The following LDLRAD3 variants were observed in gnomAD, a reference collection of about 807,000 sequenced individuals.
The protein encoded by LDLRAD3 is low density lipoprotein receptor class A domain containing 3, also known as low-density lipoprotein receptor class A domain-containing protein 3.
Under a neutral mutation model 29.4 loss-of-function variants are expected in LDLRAD3, and 20 were observed. The observed-to-expected ratio is 0.68, with a 90% CI of 0.48 to 0.99. The LOEUF (loss-of-function observed/expected upper bound fraction) is 0.99, where lower values mean the gene tolerates loss of function less well. LDLRAD3 is among the 50% of genes least tolerant of loss of function. LDLRAD3 has a pLI of 0.00. For missense variants in LDLRAD3, 420 were observed against 454.3 expected (o/e 0.92, Z 0.69); for synonymous variants, 157 against 192.7 (o/e 0.81, Z 1.53).
In LDLRAD3 at chr11:36,081,928, G is replaced by A. The variant is rs71480094; in HGVS notation, c.319+150G>A. 1,091 of 950,412 alleles carry A rather than the reference G, an allele frequency of 1.1e-3. 19 individuals carry two copies. The South Asian group carries it at 0.016, about 14-fold the overall frequency. 58.9% of individuals were successfully genotyped at this position (950,412 alleles called of 1,614,324 possible). On this transcript the variant is annotated intron_variant, in intron 3 of 5. Coordinates refer to ENST00000315571, the MANE Select transcript of LDLRAD3 (RefSeq NM_174902.4). Reference sequence around the variant, plus strand: ...CAGATTCTGTTCTTCCCTACTTCTTGTGTAAATCTGTAAATGTTCAGCCAC... The same window carrying A: ...CAGATTCTGTTCTTCCCTACTTCTTATGTAAATCTGTAAATGTTCAGCCAC...
intron 4 of LDLRAD3, among the ~76,000 whole-genome samples, chr11:36,222,990 CA>C (rs560424117): frequency 9.9e-4 from 151 of 152,250 alleles, no homozygotes; most frequent in South Asian, 4.1e-4. Context: ...GCTTGAGGGA[CA>C]GCCAGAATAA....
At chr11:36,138,045 C>T (rs1854027601) in intron 4 of LDLRAD3, among the ~76,000 whole-genome samples, 1 of 152,170 alleles carries the variant, frequency 6.6e-6, no homozygotes, top group African/African-American at 2.4e-5. Context: ...TAATCTGTTG[C>T]ATTTGAGGTG....
At chr11:36,042,131 G>A (rs1352179578) in intron 2 of LDLRAD3, among the ~76,000 whole-genome samples, 1 of 152,066 alleles carries the variant, frequency 6.6e-6, no homozygotes, top group Non-Finnish European at 1.5e-5. Context: ...GAAAGCTGGG[G>A]TTGAGATTGT....
At chr11:36,220,022 A>C (rs1257850604) in intron 4 of LDLRAD3, among the ~76,000 whole-genome samples, 1 of 152,234 alleles carries the variant, frequency 6.6e-6, no homozygotes, top group African/African-American at 2.4e-5. Context: ...TTGAATAAAC[A>C]CTTCATTAAA....
intron 2 of LDLRAD3, among the ~76,000 whole-genome samples, chr11:36,071,779 G>A: frequency 6.6e-6 from 1 of 152,156 alleles, no homozygotes; most frequent in Non-Finnish European, 1.5e-5. Flanking sequence ...TGGAAGTGTG[G>A]TACCTGGAGC....
chr11:36,158,387 T>C (rs987440438), intron 4 of LDLRAD3, among the ~76,000 whole-genome samples: 3 of 152,200 alleles, frequency 2.0e-5, no homozygotes, highest in Admixed American at 6.5e-5. Flanking sequence ...GTCTTCCATA[T>C]ACCCAAGGGT....
At chr11:36,044,987 C>A (rs1358427743) in intron 2 of LDLRAD3, among the ~76,000 whole-genome samples, 5 of 152,240 alleles carry the variant, frequency 3.3e-5, no homozygotes, top group African/African-American at 7.2e-5. Flanking sequence ...TCCACCTTCA[C>A]CACACTGGCC....
intron 4 of LDLRAD3, among the ~76,000 whole-genome samples, chr11:36,141,707 T>G (rs1854089417): frequency 6.6e-6 from 1 of 152,114 alleles, no homozygotes; most frequent in Admixed American, 6.5e-5. Context: ...AATAAGTAGT[T>G]TCTATGGCAA....
intron 1 of LDLRAD3, among the ~76,000 whole-genome samples, chr11:36,035,087 C>G (rs1852285974): frequency 6.6e-6 from 1 of 152,082 alleles, no homozygotes. Context: ...TAGAACATAG[C>G]ACAAGTATCT....
At chr11:35,978,984 C>G (rs1239020580) in intron 1 of LDLRAD3, among the ~76,000 whole-genome samples, 1 of 152,176 alleles carries the variant, frequency 6.6e-6, no homozygotes, top group Non-Finnish European at 1.5e-5. Flanking sequence ...GCAAAGGATT[C>G]TTTAATAAGG....
intron 1 of LDLRAD3, among the ~76,000 whole-genome samples, chr11:35,955,856 G>A (rs1370653571): frequency 1.3e-5 from 2 of 152,256 alleles, no homozygotes; most frequent in African/African-American, 4.8e-5. Context: ...GCTGAGGACT[G>A]GGTGGTGTGT....
chr11:36,066,570 AAAAT>A (rs1437561446), intron 2 of LDLRAD3, among the ~76,000 whole-genome samples: 3 of 152,238 alleles, frequency 2.0e-5, no homozygotes, highest in East Asian at 1.9e-4. Flanking sequence ...ACAAATAGCC[AAAAT>A]AAATAACCTT....
At chr11:36,136,697 T>TC (rs745876804) in intron 4 of LDLRAD3, among the ~76,000 whole-genome samples, 1 of 147,944 alleles carries the variant, frequency 6.8e-6, no homozygotes, top group East Asian at 2.1e-4. Flanking sequence ...CAACTAATCC[T>TC]CTTTTTTTTT....
intron 2 of LDLRAD3, among the ~76,000 whole-genome samples, chr11:36,061,268 A>T (rs1434345018): frequency 6.6e-6 from 1 of 152,118 alleles, no homozygotes; most frequent in Non-Finnish European, 1.5e-5. Context: ...CCTCCTGAGT[A>T]GCTGGGACTG....
At chr11:36,103,149 G>A (rs763603940) in intron 4 of LDLRAD3, among the ~76,000 whole-genome samples, 6 of 151,604 alleles carry the variant, frequency 4.0e-5, no homozygotes, top group Non-Finnish European at 5.9e-5. Flanking sequence ...CTTCCCCCCA[G>A]GCCCCGGGCA....
chr11:36,025,575 G>T (rs1789096649), intron 1 of LDLRAD3, among the ~76,000 whole-genome samples: 1 of 151,830 alleles, frequency 6.6e-6, no homozygotes, highest in African/African-American at 2.4e-5. Flanking sequence ...TTTTTTAGTA[G>T]AGACGGGGTT....
intron 1 of LDLRAD3, among the ~76,000 whole-genome samples, chr11:35,947,547 T>G (rs1278121434): frequency 6.6e-6 from 1 of 152,002 alleles, no homozygotes; most frequent in Admixed American, 6.5e-5. Context: ...CCTTGCCTGT[T>G]TCTGTGGGCA....
chr11:36,107,519 A>G (rs528912770), intron 4 of LDLRAD3, among the ~76,000 whole-genome samples: 1 of 152,298 alleles, frequency 6.6e-6, no homozygotes, highest in South Asian at 2.1e-4. Flanking sequence ...TAACAGGTAT[A>G]GTCATGTGCT....
Position 36,071,579 on chromosome 11 carries a change from G to T in LDLRAD3, c.194-10074G>T, listed in dbSNP as rs11033400. On this transcript the variant is annotated intron_variant, in intron 2 of 5. Transcript: ENST00000315571. ...GTACCAGTAGTTATTGACAAGAAAAGATGTCACAACATATTATGTAGCAAA... is the reference window on the plus strand; with the variant it reads ...GTACCAGTAGTTATTGACAAGAAAATATGTCACAACATATTATGTAGCAAA... Among the ~76,000 whole-genome samples, 22 of 152,276 alleles carry T rather than the reference G, an allele frequency of 1.4e-4. No homozygotes were observed. In the East Asian group the frequency reaches 3.3e-3, roughly 23 times the overall value.
Sources: allele counts gnomAD v4.1 joint callset (sites outside exome capture counted in the v4.1 genomes callset), GRCh38; gene constraint gnomAD v4.1.1; transcripts MANE v1.5; gene names NCBI Gene and HGNC (gene_info 2026-07-23, HGNC 2026-07-21).